CDH13: variants seen among roughly 807,000 people sequenced by gnomAD.
CDH13 encodes cadherin-13.
Under a neutral mutation model 63.8 loss-of-function variants are expected in CDH13, and 24 were observed. The ratio of observed to expected loss-of-function variants is 0.38; its 90% CI spans 0.27 to 0.53. CDH13 has a LOEUF of 0.53. CDH13 is among the 20% of genes least tolerant of loss of function. CDH13 has a pLI of 0.85. For synonymous variants in CDH13, 503 were observed against 355.3 expected, an observed-to-expected ratio of 1.42 and a Z score of -4.67; for missense variants, 1,049 against 903.1, an observed-to-expected ratio of 1.16 and a Z score of -2.07.
intron 5 of CDH13, among the ~76,000 whole-genome samples, chr16:83,279,202 T>TA (rs2089086175): frequency 6.6e-6 from 1 of 151,840 alleles, no homozygotes; most frequent in African/African-American, 2.4e-5. Context: ...TACAAACGAG[T>TA]CTAATATCAG....
intron 7 of CDH13, among the ~76,000 whole-genome samples, chr16:83,539,349 G>A (rs2075256996): frequency 6.6e-6 from 1 of 152,150 alleles, no homozygotes; most frequent in South Asian, 2.1e-4. Flanking sequence ...ACAGGAGGCG[G>A]AGCTCAGGTG....
chr16:83,450,860 ACT>A (rs2072868312), intron 6 of CDH13, among the ~76,000 whole-genome samples: 2 of 151,944 alleles, frequency 1.3e-5, no homozygotes, highest in African/African-American at 4.8e-5. Flanking sequence ...ACAGAGCAAG[ACT>A]CTGTCTCACA....
At chr16:83,209,482 T>C (rs1256450233) in intron 4 of CDH13, among the ~76,000 whole-genome samples, 1 of 152,116 alleles carries the variant, frequency 6.6e-6, no homozygotes, top group African/African-American at 2.4e-5. Flanking sequence ...GAAATAAAGG[T>C]CTGAAAATGT....
chr16:83,496,093 T>C (rs1464248981), intron 7 of CDH13, among the ~76,000 whole-genome samples: 2 of 151,770 alleles, frequency 1.3e-5, no homozygotes, highest in Non-Finnish European at 2.9e-5. Flanking sequence ...CCCAAGGTAA[T>C]TTACAGATTC....
intron 10 of CDH13, among the ~76,000 whole-genome samples, chr16:83,694,080 A>G (rs1003338551): frequency 6.6e-6 from 1 of 152,224 alleles, no homozygotes; most frequent in East Asian, 1.9e-4. Flanking sequence ...ATAAAACAAG[A>G]ACAGACAGGG....
chr16:83,144,772 C>T (rs1567873880), intron 4 of CDH13, among the ~76,000 whole-genome samples: 3 of 152,242 alleles, frequency 2.0e-5, no homozygotes, highest in Non-Finnish European at 4.4e-5. Flanking sequence ...ATCCCAGATT[C>T]TGTGAGCAGA....
intron 1 of CDH13, among the ~76,000 whole-genome samples, chr16:82,675,430 A>G (rs756659132): frequency 1.3e-5 from 2 of 152,210 alleles, no homozygotes; most frequent in Admixed American, 1.3e-4. Context: ...TGTCACACAC[A>G]GTAAAAACAC....
chr16:83,099,117 A>C (rs1368817130), intron 3 of CDH13, among the ~76,000 whole-genome samples: 1 of 152,152 alleles, frequency 6.6e-6, no homozygotes, highest in African/African-American at 2.4e-5. Flanking sequence ...GTTCATACAT[A>C]TAAGATCTAA....
chr16:82,689,672 C>G (rs550302202), intron 1 of CDH13, among the ~76,000 whole-genome samples: 1 of 152,028 alleles, frequency 6.6e-6, no homozygotes. Flanking sequence ...GTGCATAGCC[C>G]CCTCCCGTTT....
At chr16:83,272,336 A>G (rs16960064) in intron 5 of CDH13, among the ~76,000 whole-genome samples, 13,827 of 152,258 alleles carry the variant, frequency 0.091, 738 homozygotes, top group East Asian at 0.16. Context: ...CTACATAAAG[A>G]GTTAAAGGCT....
intron 2 of CDH13, among the ~76,000 whole-genome samples, chr16:82,878,404 C>G (rs1274116635): frequency 1.3e-5 from 2 of 151,048 alleles, no homozygotes; most frequent in Non-Finnish European, 2.9e-5. Flanking sequence ...GCAAATGCCT[C>G]TAGCAAAAAA....
At chr16:83,529,535 T>C (rs150894801) in intron 7 of CDH13, among the ~76,000 whole-genome samples, 477 of 152,242 alleles carry the variant, frequency 3.1e-3, no homozygotes, top group Non-Finnish European at 5.6e-3. Context: ...CCCAGAGCAA[T>C]GTACACAGCT....
intron 5 of CDH13, among the ~76,000 whole-genome samples, chr16:83,253,399 C>T (rs185851203): frequency 1.4e-4 from 22 of 152,254 alleles, no homozygotes; most frequent in Admixed American, 2.0e-4. Flanking sequence ...GGTTTCTTAG[C>T]GATCAGTCAT....
intron 10 of CDH13, among the ~76,000 whole-genome samples, chr16:83,715,532 A>C (rs947631176): frequency 1.5e-4 from 23 of 152,204 alleles, no homozygotes; most frequent in Non-Finnish European, 2.4e-4. Context: ...AGTAAAATGC[A>C]TTTTCCAATA....
intron 3 of CDH13, among the ~76,000 whole-genome samples, chr16:83,106,576 A>C (rs6565124): frequency 0.13 from 19,479 of 152,164 alleles, 1,700 homozygotes; most frequent in African/African-American, 0.25. Context: ...AAACAAAAAA[A>C]CAAGCATATC....
chr16:83,172,384 A>T (rs2037957849), intron 4 of CDH13, among the ~76,000 whole-genome samples: 1 of 152,042 alleles, frequency 6.6e-6, no homozygotes, highest in Non-Finnish European at 1.5e-5. Context: ...CCAGCTACTC[A>T]TGAGGCTGAT....
chr16:83,608,111 T>G (rs1908516673), intron 8 of CDH13, among the ~76,000 whole-genome samples: 1 of 152,240 alleles, frequency 6.6e-6, no homozygotes, highest in African/African-American at 2.4e-5. Flanking sequence ...CAGTTCTACC[T>G]TAAAATGGCA....
At chr16:82,697,416 CTTTTTTCTTTTTTT>C (rs1346960460) in intron 1 of CDH13, among the ~76,000 whole-genome samples, 40 of 106,358 alleles carry the variant, frequency 3.8e-4, no homozygotes, top group Non-Finnish European at 5.6e-4. Flanking sequence ...CAAGGCATTT[CTTTTTTCTTTTTTT>C]TTTTTTTTTT....
chr16:83,266,478 C>A (rs997077217), intron 5 of CDH13, among the ~76,000 whole-genome samples: 1 of 152,168 alleles, frequency 6.6e-6, no homozygotes. Context: ...ATTATAACAT[C>A]TGTGTCCAAG....
Sources: gnomAD v4.1 joint callset for allele counts (sites outside exome capture counted in the v4.1 genomes callset) on GRCh38, gnomAD v4.1.1 for gene constraint, MANE v1.5 for transcripts, NCBI Gene and HGNC (gene_info 2026-07-23, HGNC 2026-07-21) for gene names.